Variants in KIF17 observed in about 807,000 individuals in gnomAD.
KIF17 encodes the protein kinesin family member 17.
In KIF17, 80 loss-of-function variants were observed where a neutral mutation model predicts 96.8. That is an observed-to-expected ratio of 0.83 (90% confidence interval 0.69 to 1.00). KIF17 has a LOEUF of 1.00. KIF17 is among the 50% of genes least tolerant of loss of function. KIF17 has a pLI of 0.00. For synonymous variants in KIF17, 567 were observed against 587.5 expected (o/e 0.97, Z 0.51); for missense variants, 1,280 against 1,372.9 (o/e 0.93, Z 1.07).
downstream of KIF17, among the ~76,000 whole-genome samples, chr1:20,662,473 C>T (rs2053450380): frequency 6.6e-6 from 1 of 152,188 alleles, no homozygotes; most frequent in Non-Finnish European, 1.5e-5. Flanking sequence ...TCCCTCCATA[C>T]ATCTTCTTAA....
rs2054302712 is a variant in KIF17 at position 20,704,435 on chromosome 1, A to G, written c.1123+12T>C. On this transcript the variant is annotated intron_variant, in intron 5 of 14. Coordinates refer to ENST00000400463, the MANE Select transcript of KIF17 (RefSeq NM_001122819.3). This position sits in a 1 kb window ranked among gnomAD's most constrained non-coding sequence, Gnocchi z 6.8. ...ACCTGGCCCTCCCGCCACTACCCCA[A>G]CGTGGTCCCACCTGACAGGCTGCTG... is the stretch of plus-strand genomic sequence containing the variant. 1 of 1,611,396 alleles carries G rather than the reference A, an allele frequency of 6.2e-7. No homozygotes were observed. Among genetic ancestry groups the G allele is most frequent in the African/African-American group, 1.3e-5 (1 of 74,854 alleles).
In KIF17 at chr1:20,717,893, A is replaced by G; in HGVS notation, c.-187T>C. ...CCGGAGGGGAGCTGGGCGTCGCAGG[A>G]CCCGAGCCGGGGCCGCCGCTTCCTC... On this transcript the variant is annotated 5_prime_UTR_variant, in exon 1 of 15. Transcript: ENST00000400463. The G allele has an allele frequency of 3.3e-6, 1 of 305,334 alleles. No individual in the cohort carries two copies. Among genetic ancestry groups the G allele is most frequent in the Non-Finnish European group, 5.1e-6 (1 of 194,204 alleles). The allele number at this position is 305,334 out of a possible 1,614,324, so 18.9% of individuals were successfully genotyped here. A position where few individuals can be genotyped will look rare whatever the true frequency, so the allele number is the denominator to read the frequency against.
At chr1:20,688,340 C>G (rs191357414) in intron 7 of KIF17, among the ~76,000 whole-genome samples, 33 of 152,256 alleles carry the variant, frequency 2.2e-4, no homozygotes, top group African/African-American at 7.7e-4. Context: ...TGAGCCACCG[C>G]GCCTGGCCCA....
chr1:20,671,165 G>T (rs917836340), intron 12 of KIF17, among the ~76,000 whole-genome samples: 7 of 152,150 alleles, frequency 4.6e-5, no homozygotes, highest in Non-Finnish European at 8.8e-5. Flanking sequence ...CTCTGAGATT[G>T]TGTCCTCCTA....
chr1:20,687,980 G>A lies in KIF17; in HGVS notation c.1382-36C>T. ...GAGAACTTCCTTCAGGTTTTTAAAG[G>A]GTCAGAATGAGAGACCCTTCCCTAG... On this transcript the variant is annotated intron_variant, in intron 7 of 14. Coordinates refer to ENST00000400463, the MANE Select transcript of KIF17 (RefSeq NM_001122819.3). This position sits in a 1 kb window ranked among gnomAD's most constrained non-coding sequence, Gnocchi z 4.4. 1.3e-6 allele frequency: 2 copies of A among 1,582,630 alleles called. No homozygotes were observed. Among genetic ancestry groups the A allele is most frequent in the Non-Finnish European group, 8.7e-7 (1 of 1,152,292 alleles).
intron 6 of KIF17, among the ~76,000 whole-genome samples, chr1:20,695,604 C>G (rs767413257): frequency 7.2e-5 from 11 of 152,260 alleles, no homozygotes; most frequent in South Asian, 2.1e-4. Context: ...CCTCTCCCCC[C>G]ACATCCCCTG....
chr1:20,706,565 T>G (rs2054345520), intron 4 of KIF17, among the ~76,000 whole-genome samples: 1 of 150,310 alleles, frequency 6.7e-6, no homozygotes, highest in Admixed American at 6.7e-5. Context: ...CACTTCAGCC[T>G]GGGCGACAGA....
chr1:20,666,213 C>A lies in KIF17; in HGVS notation c.2908+1G>T. The A allele has an allele frequency of 1.2e-6, 2 of 1,610,060 alleles. No homozygotes were observed. The highest frequency in any genetic ancestry group is 8.5e-7 in the Non-Finnish European group (1 of 1,176,264). ...GGTGGGGACAGGGGAGGGACACTCA[C>A]TGAGGCTCTTCCTGGCGTCTGTGCT... On this transcript the variant is annotated splice_donor_variant, in intron 14 of 14. Transcript: ENST00000400463. LOFTEE classifies it high-confidence loss of function.
chr1:20,717,300 G>A, intron 1 of KIF17, 176 bp downstream of exon 1: 3 of 662,788 alleles, frequency 4.5e-6, no homozygotes, highest in Non-Finnish European at 7.6e-6. Context: ...GGCGACATTA[G>A]AGGCAGGCTC....
In KIF17 at chr1:20,685,457, T is replaced by C. The variant is rs1369824109; in HGVS notation, c.2020-437A>G. 6.6e-6 allele frequency among the ~76,000 whole-genome samples: 1 copy of C among 152,062 alleles called. No individual in the cohort carries two copies. Among genetic ancestry groups the C allele is most frequent in the African/African-American group, 2.4e-5 (1 of 41,414 alleles). ...AAGAAAGTCAAGGTCTTTCCAGCCA[T>C]AGGACCTTGGCACTTGCTATCCCCT... On this transcript the variant is annotated intron_variant, in intron 9 of 14. Coordinates refer to ENST00000400463, the MANE Select transcript of KIF17 (RefSeq NM_001122819.3). The surrounding 1 kb of genome is among the most constrained non-coding windows in gnomAD (Gnocchi z 4.1).
chr1:20,704,399 T>C lies in KIF17; in HGVS notation c.1123+48A>G. 6.7e-7 allele frequency: 1 copy of C among 1,494,896 alleles called. No homozygotes were observed. Among genetic ancestry groups the C allele is most frequent in the Non-Finnish European group, 9.2e-7 (1 of 1,084,442 alleles). The allele number at this position is 1,494,896 out of a possible 1,614,324, so 92.6% of individuals were successfully genotyped here. ...GCGAGAAGACAGAGGGAAGGAAGCT[T>C]TCTCCTGGGGACCTGGCCCTCCCGC... On this transcript the variant is annotated intron_variant, in intron 5 of 14. Coordinates refer to ENST00000400463, the MANE Select transcript of KIF17 (RefSeq NM_001122819.3). The surrounding 1 kb of genome is among the most constrained non-coding windows in gnomAD (Gnocchi z 6.8).
chr1:20,692,338 TTGC>T (rs2054053448), intron 6 of KIF17, among the ~76,000 whole-genome samples: 1 of 142,428 alleles, frequency 7.0e-6, no homozygotes, highest in Admixed American at 7.0e-5. Flanking sequence ...CCTTCCTCTA[TTGC>T]TTTTTTTTTT....
chr1:20,693,936 G>A (rs944759872), intron 6 of KIF17: 1 of 152,120 alleles, frequency 6.6e-6, no homozygotes, highest in Non-Finnish European at 1.5e-5. Flanking sequence ...TCCTTCCTTG[G>A]GTCTCTTCTG....
chr1:20,666,265 G>T lies in KIF17; in HGVS notation c.2857C>A (p.Arg953=). Residue 953 remains arginine (R), a synonymous_variant, in exon 14 of 15, where the codon CGA becomes AGA. Transcript: ENST00000400463. ...NSENIASNYF[R]SKRASQILST... is the part of the protein sequence containing the mutation. ...AGGATCTGGCTGGCCCGCTTAGATC[G>T]GAAGTAGTTGCTGGCAATGTTTTCA... 6.2e-7 allele frequency: 1 copy of T among 1,614,210 alleles called. No individual in the cohort carries two copies. Among genetic ancestry groups the T allele is most frequent in the Non-Finnish European group, 8.5e-7 (1 of 1,180,024 alleles).
intron 13 of KIF17, among the ~76,000 whole-genome samples, chr1:20,667,255 T>C (rs982188490): frequency 3.9e-5 from 6 of 152,154 alleles, no homozygotes; most frequent in Non-Finnish European, 7.3e-5. Flanking sequence ...CATTAGATTC[T>C]CATAGGAGGG....
chr1:20,661,854 A>G (rs533294), downstream of KIF17, among the ~76,000 whole-genome samples: 148,926 of 152,370 alleles, frequency 0.98, 72,882 homozygotes, highest in Middle Eastern at 1. Context: ...AGGGAGGAGG[A>G]GTTGGAAGAA....
rs1553151320 is a variant in KIF17, at chr1:20,695,140, A to ACACACACACG, written c.1233+3238_1233+3239insCGTGTGTGTG. On this transcript the variant is annotated intron_variant, in intron 6 of 14. Coordinates refer to ENST00000400463, the MANE Select transcript of KIF17 (RefSeq NM_001122819.3). ...CGCATACACACACGCACACACACGCACACACACATGCATGTGCACAGCACC... is the reference window on the plus strand; with the variant it reads ...CGCATACACACACGCACACACACGCACACACACACGCACACACATGCATGTGCACAGCACC... 2.5e-5 allele frequency among the ~76,000 whole-genome samples: 3 copies of ACACACACACG among 119,994 alleles called. No homozygotes were observed. In the Admixed American group the frequency reaches 2.6e-4, roughly 11 times the overall value. 78.7% of individuals were successfully genotyped at this position (119,994 alleles called of 152,430 possible).
At position 20,698,507 on chromosome 1, in the gene KIF17, T is replaced by G. The variant is rs1221599790; in HGVS notation, c.1124-19A>C. ...AGCAGGGCTGGGGGAGAAACAGAAA[T>G]TAGCAGCCAGGATGAGGGGCACATT... On this transcript the variant is annotated intron_variant, in intron 5 of 14. Transcript: ENST00000400463. 1 of 1,561,296 alleles carries G rather than the reference T, an allele frequency of 6.4e-7. No individual in the cohort carries two copies. The highest frequency in any genetic ancestry group is 1.7e-5 in the Admixed American group (1 of 59,930).
At chr1:20,717,390 G>A in intron 1 of KIF17, 86 bp downstream of exon 1, 1 of 1,497,686 alleles carries the variant, frequency 6.7e-7, no homozygotes, top group Non-Finnish European at 9.1e-7. Flanking sequence ...CTTTCCTCCT[G>A]GCTGGGGGGC....
Sources: allele counts gnomAD v4.1 joint callset (sites outside exome capture counted in the v4.1 genomes callset), GRCh38; gene constraint gnomAD v4.1.1; non-coding constraint Gnocchi (gnomAD v3.1); transcripts MANE v1.5; gene names NCBI Gene and HGNC (gene_info 2026-07-23, HGNC 2026-07-21).